The following GULP1 variants were observed in gnomAD, a reference collection of about 807,000 sequenced individuals.
The protein encoded by GULP1 is PTB domain-containing engulfment adapter protein 1.
A neutral mutation model predicts 40.9 loss-of-function variants in GULP1; 19 were observed. That is an observed-to-expected ratio of 0.46 (90% confidence interval 0.32 to 0.68). GULP1 has a LOEUF of 0.68. Among genes scored for constraint, GULP1 ranks in the 30% least tolerant of loss-of-function variants. The pLI is 0.03. For synonymous variants in GULP1, 119 were observed against 117.6 expected (o/e 1.01, Z -0.08); for missense variants, 312 against 362.2 (o/e 0.86, Z 1.12).
intron 1 of GULP1, among the ~76,000 whole-genome samples, chr2:188,363,704 T>A (rs1461087708): frequency 2.8e-4 from 43 of 152,290 alleles, no homozygotes; most frequent in African/African-American, 9.9e-4. Context: ...ATTGTGGTTT[T>A]TGCCATTGTA....
intron 2 of GULP1, among the ~76,000 whole-genome samples, chr2:188,463,327 ATGTCATGC>A (rs2059862549): frequency 2.0e-5 from 3 of 152,148 alleles, no homozygotes; most frequent in Non-Finnish European, 2.9e-5. Flanking sequence ...CACTTTAATT[ATGTCATGC>A]CATGCTCTCC....
chr2:188,296,706 A>C (rs2035030363), intron 1 of GULP1, among the ~76,000 whole-genome samples: 1 of 152,100 alleles, frequency 6.6e-6, no homozygotes, highest in Non-Finnish European at 1.5e-5. Context: ...TTTTAAAGGA[A>C]GTTTTGAATA....
chr2:188,444,686 A>G (rs2058232935), intron 2 of GULP1, among the ~76,000 whole-genome samples: 1 of 152,182 alleles, frequency 6.6e-6, no homozygotes, highest in South Asian at 2.1e-4. Flanking sequence ...TCAGCATATA[A>G]CTGGGCTGGT....
intron 2 of GULP1, among the ~76,000 whole-genome samples, chr2:188,429,942 C>G (rs73040452): frequency 0.18 from 26,615 of 152,064 alleles, 2,401 homozygotes; most frequent in East Asian, 0.24. Flanking sequence ...ATCTCCTGAC[C>G]TCATGATCCA....
intron 7 of GULP1, among the ~76,000 whole-genome samples, chr2:188,552,877 A>G (rs1180068111): frequency 6.7e-6 from 1 of 150,298 alleles, no homozygotes; most frequent in Non-Finnish European, 1.5e-5. Flanking sequence ...TTATTCCTAT[A>G]TATGTATATA....
At chr2:188,473,035 A>C (rs1174552929) in intron 2 of GULP1, among the ~76,000 whole-genome samples, 1 of 152,234 alleles carries the variant, frequency 6.6e-6, no homozygotes, top group Non-Finnish European at 1.5e-5. Context: ...TTAGAGACTC[A>C]TAGAGATACT....
In GULP1 at chr2:188,583,586, G is replaced by C. The variant is rs766872900; in HGVS notation, c.610-679G>C. Among the ~76,000 whole-genome samples, 3 of 152,124 alleles carry C rather than the reference G, an allele frequency of 2.0e-5. No homozygotes were observed. In the East Asian group the frequency reaches 5.8e-4, roughly 29 times the overall value. ...GATTTTCATTTATCTTTCCCTATAT[G>C]TGTTCAGTCCTGGCCCAGACTGTAT... On this transcript the variant is annotated intron_variant, in intron 9 of 11. Transcript: ENST00000409830.
rs532535364 is a variant in GULP1, at chr2:188,425,804, G to A, written c.-45+41915G>A. Among the ~76,000 whole-genome samples the A allele has an allele frequency of 1.9e-4, 29 of 152,202 alleles. 1 individual carries two copies. In the South Asian group the frequency reaches 6.0e-3, roughly 32 times the overall value. On this transcript the variant is annotated intron_variant, in intron 2 of 11. Transcript: ENST00000409830. ...GATGTATCTTCTTAGGGGTATTACAGTCAAATTATTATGTTTTAACATCAC... is the reference window on the plus strand; with the variant it reads ...GATGTATCTTCTTAGGGGTATTACAATCAAATTATTATGTTTTAACATCAC...
rs768744057 is a variant in GULP1, at chr2:188,588,065, G to A, written c.843+116G>A. 3.6e-5 allele frequency: 26 copies of A among 717,932 alleles called. No homozygotes were observed. In the Middle Eastern group the frequency reaches 8.0e-4, roughly 22 times the overall value. The allele number at this position is 717,932 out of a possible 1,614,324, so 44.5% of individuals were successfully genotyped here. A position where few individuals can be genotyped will look rare whatever the true frequency, so the allele number is the denominator to read the frequency against. On this transcript the variant is annotated intron_variant, in intron 11 of 11. Transcript: ENST00000409830. Reference sequence around the variant, plus strand: ...TCAATTATTTTCGCTATAAAAACTCGCTTAAAATAATTACTTTAAAATAAT... The same window carrying A: ...TCAATTATTTTCGCTATAAAAACTCACTTAAAATAATTACTTTAAAATAAT...
intron 2 of GULP1, among the ~76,000 whole-genome samples, chr2:188,473,399 A>C (rs1425915851): frequency 6.6e-6 from 1 of 152,186 alleles, no homozygotes; most frequent in Admixed American, 6.5e-5. Context: ...GCAGGTCCAG[A>C]GTTGCCTATT....
At chr2:188,513,758 C>A (rs931849167) in intron 4 of GULP1, among the ~76,000 whole-genome samples, 1 of 151,892 alleles carries the variant, frequency 6.6e-6, no homozygotes, top group Non-Finnish European at 1.5e-5. Flanking sequence ...ACTCTATGGC[C>A]TGATATTTCT....
At chr2:188,449,662 G>T (rs1051692488) in intron 2 of GULP1, among the ~76,000 whole-genome samples, 1 of 152,172 alleles carries the variant, frequency 6.6e-6, no homozygotes, top group Non-Finnish European at 1.5e-5. Context: ...CTTTTCAAAT[G>T]AGAATACATT....
chr2:188,517,418 GA>G (rs2153222656), intron 4 of GULP1, among the ~76,000 whole-genome samples: 1 of 151,918 alleles, frequency 6.6e-6, no homozygotes, highest in Non-Finnish European at 1.5e-5. Flanking sequence ...GTTTTATTAT[GA>G]ATGCAATATA....
chr2:188,379,440 A>G (rs1301985783), intron 1 of GULP1, among the ~76,000 whole-genome samples: 3 of 152,214 alleles, frequency 2.0e-5, no homozygotes, highest in African/African-American at 4.8e-5. Context: ...AAATTAAATT[A>G]TAAAGATCTT....
chr2:188,372,566 G>T (rs1260319787), intron 1 of GULP1, among the ~76,000 whole-genome samples: 1 of 151,954 alleles, frequency 6.6e-6, no homozygotes, highest in African/African-American at 2.4e-5. Context: ...TTTCATACAT[G>T]AACTCCTTTA....
At chr2:188,344,123 A>G (rs1391352471) in intron 1 of GULP1, among the ~76,000 whole-genome samples, 1 of 152,188 alleles carries the variant, frequency 6.6e-6, no homozygotes, top group African/African-American at 2.4e-5. Flanking sequence ...AACCTTTTAT[A>G]GCTGTTTTGC....
At chr2:188,457,939 C>T (rs1365678117) in intron 2 of GULP1, among the ~76,000 whole-genome samples, 1 of 152,158 alleles carries the variant, frequency 6.6e-6, no homozygotes, top group African/African-American at 2.4e-5. Context: ...CTTATATCTT[C>T]CATTCACTCT....
intron 1 of GULP1, among the ~76,000 whole-genome samples, chr2:188,305,620 G>A (rs1217983440): frequency 1.3e-5 from 2 of 152,208 alleles, no homozygotes; most frequent in East Asian, 3.8e-4. Context: ...ATGAAAGTTG[G>A]GAGCCAGGAA....
intron 9 of GULP1, among the ~76,000 whole-genome samples, chr2:188,572,109 C>T (rs1007884056): frequency 6.6e-6 from 1 of 152,136 alleles, no homozygotes; most frequent in African/African-American, 2.4e-5. Flanking sequence ...CATAGGGTTA[C>T]TGAGTCAGCT....
Sources: gnomAD v4.1 joint callset for allele counts (sites outside exome capture counted in the v4.1 genomes callset) on GRCh38, gnomAD v4.1.1 for gene constraint, MANE v1.5 for transcripts, NCBI Gene and HGNC (gene_info 2026-07-23, HGNC 2026-07-21) for gene names.